KIAA1217: variants seen among roughly 807,000 people sequenced by gnomAD.
KIAA1217 encodes KIAA1217, also known as sickle tail protein homolog.
In KIAA1217, 88 loss-of-function variants were observed where a neutral mutation model predicts 163.9. That is an observed-to-expected ratio of 0.54 (90% confidence interval 0.45 to 0.64). The LOEUF (loss-of-function observed/expected upper bound fraction) is 0.64. Ranked by LOEUF, KIAA1217 falls within the 30% of genes least tolerant of loss-of-function variation. KIAA1217 has a pLI of 0.00. For missense variants in KIAA1217, 2,372 were observed against 2,475.0 expected (o/e 0.96, Z 0.88); for synonymous variants, 903 against 923.1 (o/e 0.98, Z 0.39).
intron 2 of KIAA1217, among the ~76,000 whole-genome samples, chr10:24,131,004 G>A (rs892681232): frequency 6.6e-6 from 1 of 152,024 alleles, no homozygotes; most frequent in African/African-American, 2.4e-5. Flanking sequence ...CTTCCTCCAG[G>A]GGGAATAAAA....
chr10:24,188,222 AC>A (rs533431779), intron 2 of KIAA1217, among the ~76,000 whole-genome samples: 150 of 152,272 alleles, frequency 9.9e-4, no homozygotes, highest in Admixed American at 2.9e-3. Flanking sequence ...ATTTTATCCA[AC>A]ACCATAATAT....
At chr10:24,029,252 G>A (rs973555031) in intron 2 of KIAA1217, among the ~76,000 whole-genome samples, 3 of 152,080 alleles carry the variant, frequency 2.0e-5, no homozygotes, top group Admixed American at 6.6e-5. Context: ...CTGTCTGAAA[G>A]GAGGAGGAAC....
intron 1 of KIAA1217, among the ~76,000 whole-genome samples, chr10:23,748,583 G>T (rs141087190): frequency 4.0e-3 from 560 of 141,676 alleles, no homozygotes; most frequent in African/African-American, 0.014. Context: ...CGGAAGGAAG[G>T]GGGGAGGGAA....
At chr10:24,314,630 G>A (rs2043121244) in intron 2 of KIAA1217, among the ~76,000 whole-genome samples, 1 of 152,124 alleles carries the variant, frequency 6.6e-6, no homozygotes, top group Admixed American at 6.5e-5. Context: ...GAAATCTAAT[G>A]GTATCTGTGA....
intron 1 of KIAA1217, among the ~76,000 whole-genome samples, chr10:24,003,027 C>T (rs1846821873): frequency 6.6e-6 from 1 of 152,076 alleles, no homozygotes; most frequent in South Asian, 2.1e-4. Flanking sequence ...GTATATATTC[C>T]ACATTTTCTT....
chr10:24,193,311 G>A lies in KIAA1217; in HGVS notation c.-170-26315G>A, dbSNP rs148407184. On this transcript the variant is annotated intron_variant, in intron 2 of 18. Coordinates refer to the KIAA1217 transcript ENST00000376462. ...CAAATCTTATAACTCTGATTTTATA[G>A]GAGTCCTGCGGACTTATCTGGAGAG... is the stretch of plus-strand genomic sequence containing the variant. 3.4e-3 allele frequency among the ~76,000 whole-genome samples: 518 copies of A among 152,298 alleles called. 3 individuals carry two copies. The highest frequency in any genetic ancestry group is 0.012 in the African/African-American group (489 of 41,558).
In KIAA1217 at chr10:24,093,255, C is replaced by T. The variant is rs996100287; in HGVS notation, c.-171+85881C>T. 2.6e-5 allele frequency among the ~76,000 whole-genome samples: 4 copies of T among 151,736 alleles called. 1 individual carries two copies. The highest frequency in any genetic ancestry group is 9.8e-5 in the African/African-American group (4 of 41,020). On this transcript the variant is annotated intron_variant, in intron 2 of 18. Transcript: ENST00000376462. ...GCACCATCTCGGCTCACTGCAGCCT[C>T]CACCTGCTGGGTTCCAGTTATTCTC...
intron 1 of KIAA1217, among the ~76,000 whole-genome samples, chr10:23,934,575 A>ATGTGTGTGTGTGTGTATGTGTG (rs1420302818): frequency 3.0e-5 from 2 of 65,966 alleles, no homozygotes; most frequent in African/African-American, 2.6e-4. Context: ...ATATATATAT[A>ATGTGTGTGTGTGTGTATGTGTG]TATATATATA....
At chr10:24,307,337 T>C (rs932552984) in intron 2 of KIAA1217, among the ~76,000 whole-genome samples, 2 of 152,170 alleles carry the variant, frequency 1.3e-5, no homozygotes, top group African/African-American at 4.8e-5. Context: ...TTATTAATCA[T>C]TGAAAGATGT....
intron 2 of KIAA1217, among the ~76,000 whole-genome samples, chr10:24,287,210 G>A (rs539774604): frequency 2.0e-5 from 3 of 152,134 alleles, no homozygotes; most frequent in Middle Eastern, 3.4e-3. Context: ...GCCACACGCC[G>A]AGCTAATTTT....
At chr10:24,366,638 T>G (rs1198120455) in intron 2 of KIAA1217, among the ~76,000 whole-genome samples, 1 of 152,206 alleles carries the variant, frequency 6.6e-6, no homozygotes, top group Non-Finnish European at 1.5e-5. Context: ...TGTGCCCTCC[T>G]GCATGGCAAA....
chr10:24,203,622 G>A (rs2067387800), intron 2 of KIAA1217, among the ~76,000 whole-genome samples: 1 of 150,846 alleles, frequency 6.6e-6, no homozygotes, highest in Non-Finnish European at 1.5e-5. Flanking sequence ...CTCAAGGGCA[G>A]AAAATAAGCC....
chr10:24,484,237 ATATATTT>A (rs1168703782), intron 6 of KIAA1217, among the ~76,000 whole-genome samples: 1 of 82,198 alleles, frequency 1.2e-5, no homozygotes, highest in Non-Finnish European at 2.5e-5. Flanking sequence ...ATATATATAT[ATATATTT>A]TTTTTTTTTT....
At chr10:24,181,334 GA>G (rs2066161738) in intron 2 of KIAA1217, among the ~76,000 whole-genome samples, 1 of 152,184 alleles carries the variant, frequency 6.6e-6, no homozygotes, top group Non-Finnish European at 1.5e-5. Context: ...GATGAAGTGA[GA>G]GGGGGAAGGA....
At chr10:24,431,646 C>T (rs965661570) in intron 3 of KIAA1217, among the ~76,000 whole-genome samples, 5 of 152,252 alleles carry the variant, frequency 3.3e-5, no homozygotes, top group Admixed American at 3.3e-4. Flanking sequence ...GAAACATCCC[C>T]AAACCAAGCT....
chr10:23,754,063 A>G (rs1336732554), intron 1 of KIAA1217, among the ~76,000 whole-genome samples: 1 of 152,138 alleles, frequency 6.6e-6, no homozygotes, highest in Non-Finnish European at 1.5e-5. Context: ...ACGCTATTTA[A>G]TGACTGACCT....
intron 2 of KIAA1217, among the ~76,000 whole-genome samples, chr10:24,196,274 G>A (rs988922100): frequency 9.2e-5 from 14 of 152,270 alleles, no homozygotes; most frequent in East Asian, 3.9e-4. Context: ...CACCCAACGC[G>A]CAGTGTCTCT....
At chr10:24,156,281 T>A (rs2064871496) in intron 2 of KIAA1217, among the ~76,000 whole-genome samples, 1 of 152,224 alleles carries the variant, frequency 6.6e-6, no homozygotes, top group Non-Finnish European at 1.5e-5. Flanking sequence ...TCATCTACAT[T>A]TTTGTGTGTA....
chr10:24,383,505 G>A (rs547824305), intron 3 of KIAA1217, among the ~76,000 whole-genome samples: 44 of 152,302 alleles, frequency 2.9e-4, no homozygotes, highest in African/African-American at 1.0e-3. Context: ...GTTTTCGCAC[G>A]GGGTGGCCAC....
Sources: allele counts gnomAD v4.1 joint callset (sites outside exome capture counted in the v4.1 genomes callset), GRCh38; gene constraint gnomAD v4.1.1; transcripts MANE v1.5; gene names NCBI Gene and HGNC (gene_info 2026-07-23, HGNC 2026-07-21).